NTM: variants seen among roughly 807,000 people sequenced by gnomAD.
The protein encoded by NTM is neurotrimin.
In NTM, 13 loss-of-function variants were observed where a neutral mutation model predicts 42.1. The ratio of observed to expected loss-of-function variants is 0.31; its 90% confidence interval spans 0.20 to 0.49. NTM has a LOEUF of 0.49. NTM is among the 20% of genes least tolerant of loss of function. The pLI, the probability that NTM is intolerant of heterozygous loss-of-function variation, is 0.99. For missense variants in NTM, 373 were observed against 452.8 expected, an observed-to-expected ratio of 0.82 and a Z score of 1.60; for synonymous variants, 187 against 179.2, an observed-to-expected ratio of 1.04 and a Z score of -0.35.
intron 2 of NTM, among the ~76,000 whole-genome samples, chr11:132,104,932 C>CATATGT (rs1262806226): frequency 6.3e-5 from 1 of 15,850 alleles, no homozygotes; most frequent in Non-Finnish European, 1.2e-4. Flanking sequence ...TCCATATATA[C>CATATGT]ATATGTATAT....
chr11:131,913,614 A>T (rs1188173853), intron 2 of NTM, among the ~76,000 whole-genome samples: 1 of 151,834 alleles, frequency 6.6e-6, no homozygotes, highest in African/African-American at 2.4e-5. Context: ...CTTTTTTCTC[A>T]TTCTGCCGGT....
chr11:131,842,434 T>C (rs2044372653), intron 1 of NTM, among the ~76,000 whole-genome samples: 2 of 152,222 alleles, frequency 1.3e-5, no homozygotes, highest in Admixed American at 1.3e-4. Flanking sequence ...GTGGTTTCCG[T>C]TTCATTTCTT....
At chr11:132,084,977 C>T (rs1486428609) in intron 2 of NTM, among the ~76,000 whole-genome samples, 1 of 152,180 alleles carries the variant, frequency 6.6e-6, no homozygotes, top group East Asian at 1.9e-4. Flanking sequence ...ACAAATTTTG[C>T]TAATGAGTGG....
chr11:132,202,974 A>G (rs1273524039), intron 3 of NTM, among the ~76,000 whole-genome samples: 1 of 152,212 alleles, frequency 6.6e-6, no homozygotes, highest in East Asian at 1.9e-4. Flanking sequence ...AGAGAATAAT[A>G]ATCCACTGAG....
intron 1 of NTM, among the ~76,000 whole-genome samples, chr11:131,728,140 A>G (rs2079178890): frequency 6.6e-6 from 1 of 152,212 alleles, no homozygotes; most frequent in Non-Finnish European, 1.5e-5. Context: ...CCAATTGCAC[A>G]GCAGACACCA....
intron 2 of NTM, among the ~76,000 whole-genome samples, chr11:132,012,722 AG>A (rs2072497229): frequency 6.6e-6 from 1 of 152,214 alleles, no homozygotes; most frequent in Non-Finnish European, 1.5e-5. Context: ...GAATCTAAAA[AG>A]GTTATTTAGA....
chr11:131,913,600 G>C (rs904153298), intron 2 of NTM, among the ~76,000 whole-genome samples: 23 of 152,112 alleles, frequency 1.5e-4, no homozygotes, highest in Non-Finnish European at 2.6e-4. Flanking sequence ...TCCCTTTCAT[G>C]GTTCTTTTTT....
chr11:131,718,332 C>G (rs1592687376), intron 1 of NTM, among the ~76,000 whole-genome samples: 1 of 152,262 alleles, frequency 6.6e-6, no homozygotes, highest in East Asian at 1.9e-4. Context: ...GTGAAGCCAG[C>G]TGAGCTTACA....
intron 1 of NTM, among the ~76,000 whole-genome samples, chr11:131,437,103 T>A (rs906298232): frequency 8.5e-5 from 13 of 152,178 alleles, no homozygotes; most frequent in African/African-American, 3.1e-4. Flanking sequence ...TTTGAGTGAG[T>A]TTCTGAATCC....
chr11:131,691,313 A>G (rs905791893), intron 1 of NTM, among the ~76,000 whole-genome samples: 2 of 152,134 alleles, frequency 1.3e-5, no homozygotes, highest in African/African-American at 2.4e-5. Flanking sequence ...GGCCGCGGGG[A>G]GTTCGCCCCT....
intron 1 of NTM, among the ~76,000 whole-genome samples, chr11:131,525,048 T>C (rs367707): frequency 0.32 from 48,534 of 151,182 alleles, 8,926 homozygotes; most frequent in African/African-American, 0.51. Context: ...CTGAATGGAG[T>C]AAGGGGGCAG....
chr11:131,792,657 G>A (rs1455895247), intron 1 of NTM, among the ~76,000 whole-genome samples: 1 of 152,132 alleles, frequency 6.6e-6, no homozygotes, highest in East Asian at 1.9e-4. Context: ...TGGCTTAGAC[G>A]GTGATGCTGA....
At chr11:131,451,399 C>T (rs971913409) in intron 1 of NTM, among the ~76,000 whole-genome samples, 5 of 152,146 alleles carry the variant, frequency 3.3e-5, no homozygotes, top group Non-Finnish European at 7.3e-5. Flanking sequence ...GCTAATTATG[C>T]AGTGCAGAAA....
chr11:131,941,741 G>A (rs1021077224), intron 2 of NTM, among the ~76,000 whole-genome samples: 1 of 152,102 alleles, frequency 6.6e-6, no homozygotes, highest in Non-Finnish European at 1.5e-5. Context: ...GTTATTATTG[G>A]GTAACAGATA....
At chr11:131,685,764 T>C (rs2073791371) in intron 1 of NTM, among the ~76,000 whole-genome samples, 1 of 152,228 alleles carries the variant, frequency 6.6e-6, no homozygotes, top group South Asian at 2.1e-4. Context: ...TCAATCTACC[T>C]CCACAAAAAT....
chr11:131,792,332 T>C (rs1449061658), intron 1 of NTM, among the ~76,000 whole-genome samples: 2 of 152,078 alleles, frequency 1.3e-5, no homozygotes, highest in African/African-American at 4.8e-5. Flanking sequence ...TAAGTTTGGG[T>C]GGAGATCTGG....
At chr11:131,641,470 G>A (rs1229829694) in intron 1 of NTM, among the ~76,000 whole-genome samples, 1 of 152,240 alleles carries the variant, frequency 6.6e-6, no homozygotes, top group East Asian at 1.9e-4. Flanking sequence ...CTACCTCTAC[G>A]AAGCCTCTCT....
At position 131,457,727 on chromosome 11, in the gene NTM, C is replaced by CCG. The variant is rs1951026574; in HGVS notation, c.82+86840_82+86841insGC. ...GCACTAAATGTTTTTGTCCTCCCCC[C>CCG]CCAAATTTATGTGTTAAAATTTTAA... On this transcript the variant is annotated intron_variant, in intron 1 of 8. Coordinates refer to ENST00000683400, the MANE Select transcript of NTM (RefSeq NM_001352005.2). Among the ~76,000 whole-genome samples the CCG allele has an allele frequency of 1.3e-5, 2 of 152,176 alleles. 1 individual carries two copies. The highest frequency in any genetic ancestry group is 4.2e-4 in the South Asian group (2 of 4,818).
chr11:131,851,572 C>G (rs1380434718), intron 1 of NTM, among the ~76,000 whole-genome samples: 1 of 115,792 alleles, frequency 8.6e-6, no homozygotes, highest in Non-Finnish European at 1.8e-5. Context: ...TGTGTGTGGC[C>G]AAGTGGAGGT....
Sources: allele counts gnomAD v4.1 joint callset (sites outside exome capture counted in the v4.1 genomes callset), GRCh38; gene constraint gnomAD v4.1.1; transcripts MANE v1.5; gene names NCBI Gene and HGNC (gene_info 2026-07-23, HGNC 2026-07-21).